The following ZFHX3 variants were observed in gnomAD, a reference collection of about 807,000 sequenced individuals.
ZFHX3 encodes the protein zinc finger homeobox 3, also known as zinc finger homeobox protein 3.
Under a neutral mutation model 279.1 loss-of-function variants are expected in ZFHX3, and 42 were observed. The observed-to-expected ratio is 0.15, with a 90% CI of 0.12 to 0.19. The LOEUF (loss-of-function observed/expected upper bound fraction) is 0.19, where lower values mean the gene tolerates loss of function less well. Among genes scored for constraint, ZFHX3 ranks in the 10% least tolerant of loss-of-function variants. ZFHX3 has a pLI of 1.00. For missense variants in ZFHX3, 4,981 were observed against 4,754.0 expected, an observed-to-expected ratio of 1.05 and a Z score of -1.40; for synonymous variants, 2,293 against 1,957.8, an observed-to-expected ratio of 1.17 and a Z score of -4.52.
At chr16:73,074,259 T>A (rs1965858969) in intron 8 of ZFHX3, among the ~76,000 whole-genome samples, 1 of 152,192 alleles carries the variant, frequency 6.6e-6, no homozygotes, top group South Asian at 2.1e-4. Flanking sequence ...ACGCGGACCC[T>A]GTCCCAGGCG....
intron 4 of ZFHX3, among the ~76,000 whole-genome samples, chr16:72,851,560 CT>C (rs765929247): frequency 1.4e-3 from 207 of 146,280 alleles, no homozygotes; most frequent in African/African-American, 2.6e-3. Flanking sequence ...TCCAATTTCA[CT>C]TTTTTTTTTT....
rs765294332 is a variant in ZFHX3, at chr16:72,950,951, G to A, written c.2734C>T (p.Pro912Ser). 1.9e-5 allele frequency: 30 copies of A among 1,612,598 alleles called. No individual in the cohort carries two copies. Among genetic ancestry groups the A allele is most frequent in the Admixed American group, 5.0e-5 (3 of 59,976 alleles). The change falls in exon 3 of 10, where the codon CCC becomes TCC. Residue 912 changes from proline (P) to serine (S), a missense_variant. Pro to Ser is a moderately conservative substitution (Grantham distance 74). Transcript: ENST00000268489. ...CCGCCCCCGAGCCGCATGTCTAGGGGGATCTCACCGCCCACTGCAGGGAAG... is the reference window on the plus strand; with the variant it reads ...CCGCCCCCGAGCCGCATGTCTAGGGAGATCTCACCGCCCACTGCAGGGAAG... The part of the protein sequence containing the change: ...MTPALVGGEI[P>S]LDMRLGGGQL...
At chr16:73,416,068 C>T (rs1306460412) in intron 3 of ZFHX3, among the ~76,000 whole-genome samples, 9 of 144,766 alleles carry the variant, frequency 6.2e-5, no homozygotes, top group South Asian at 2.2e-4. Flanking sequence ...TGTGCTGAGC[C>T]GAGAGATAAT....
At chr16:73,363,570 G>A (rs949706957) in intron 3 of ZFHX3, among the ~76,000 whole-genome samples, 1 of 151,486 alleles carries the variant, frequency 6.6e-6, no homozygotes. Context: ...TCCCAAATGA[G>A]GCAGGGAATA....
intron 3 of ZFHX3, among the ~76,000 whole-genome samples, chr16:73,428,282 A>G (rs779046444): frequency 6.6e-6 from 1 of 152,128 alleles, no homozygotes; most frequent in African/African-American, 2.4e-5. Flanking sequence ...CTCTCCCACC[A>G]TATTAATTAC....
chr16:72,825,212 G>T (rs1299561310), intron 5 of ZFHX3, among the ~76,000 whole-genome samples: 1 of 152,166 alleles, frequency 6.6e-6, no homozygotes, highest in Non-Finnish European at 1.5e-5. Flanking sequence ...TCACCATCCC[G>T]CTTTCAGACT....
At chr16:72,926,787 T>C (rs114892858) in intron 3 of ZFHX3, among the ~76,000 whole-genome samples, 1 of 152,288 alleles carries the variant, frequency 6.6e-6, no homozygotes, top group African/African-American at 2.4e-5. Flanking sequence ...CAGAGACCAA[T>C]GTTTCTACTC....
intron 4 of ZFHX3, among the ~76,000 whole-genome samples, chr16:72,834,302 T>C (rs1286869166): frequency 2.0e-5 from 3 of 152,106 alleles, no homozygotes; most frequent in African/African-American, 7.2e-5. Flanking sequence ...TACAACTGCT[T>C]CTCCCAGATA....
intron 3 of ZFHX3, among the ~76,000 whole-genome samples, chr16:72,932,362 G>A (rs956519702): frequency 6.6e-6 from 1 of 152,116 alleles, no homozygotes; most frequent in African/African-American, 2.4e-5. Flanking sequence ...GCAAGCCATA[G>A]CCACAATGCA....
At chr16:72,949,332 A>G (rs1960859861) in intron 3 of ZFHX3, among the ~76,000 whole-genome samples, 1 of 152,154 alleles carries the variant, frequency 6.6e-6, no homozygotes. Context: ...AGAGGCTGAT[A>G]ATGGGAGTGA....
intron 5 of ZFHX3, among the ~76,000 whole-genome samples, chr16:73,160,541 T>C (rs1177182931): frequency 1.3e-5 from 2 of 152,140 alleles, no homozygotes; most frequent in Non-Finnish European, 1.5e-5. Flanking sequence ...ACAGTCACGT[T>C]TTCTAAACTC....
At chr16:73,438,267 G>C (rs1021226656) in intron 3 of ZFHX3, among the ~76,000 whole-genome samples, 2 of 152,192 alleles carry the variant, frequency 1.3e-5, no homozygotes, top group African/African-American at 2.4e-5. Flanking sequence ...TTATCACAAA[G>C]TCAGATTAAC....
intron 4 of ZFHX3, among the ~76,000 whole-genome samples, chr16:72,864,017 T>C (rs998184006): frequency 6.6e-6 from 1 of 151,942 alleles, no homozygotes; most frequent in Non-Finnish European, 1.5e-5. Flanking sequence ...CTTGGGAGGC[T>C]GAGGCAGGAG....
intron 7 of ZFHX3, among the ~76,000 whole-genome samples, chr16:73,106,265 A>G (rs1050901852): frequency 6.6e-6 from 1 of 152,014 alleles, no homozygotes; most frequent in African/African-American, 2.4e-5. Flanking sequence ...TGAATTGTAA[A>G]ATAAGAATCT....
At chr16:73,684,488 G>C (rs1057483549) in intron 1 of ZFHX3, among the ~76,000 whole-genome samples, 3 of 152,048 alleles carry the variant, frequency 2.0e-5, no homozygotes, top group Admixed American at 2.0e-4. Flanking sequence ...AAATCAAAAA[G>C]AGGAATGTGC....
At chr16:72,879,678 G>A (rs561000398) in intron 4 of ZFHX3, among the ~76,000 whole-genome samples, 46 of 152,238 alleles carry the variant, frequency 3.0e-4, no homozygotes, top group African/African-American at 9.1e-4. Flanking sequence ...CGCCCGCCTC[G>A]GCCTCCCAAA....
At chr16:73,712,864 C>T (rs988789008) in intron 1 of ZFHX3, among the ~76,000 whole-genome samples, 4 of 152,230 alleles carry the variant, frequency 2.6e-5, no homozygotes, top group African/African-American at 9.6e-5. Flanking sequence ...TAGGCAATAA[C>T]TTTGCCTCAT....
intron 5 of ZFHX3, among the ~76,000 whole-genome samples, chr16:73,161,663 C>A (rs964277595): frequency 3.9e-5 from 6 of 152,174 alleles, no homozygotes; most frequent in African/African-American, 1.4e-4. Flanking sequence ...CACCTCTCGG[C>A]CCCTTCTAAG....
At chr16:73,867,843 G>C (rs1962067719) in intron 1 of ZFHX3, among the ~76,000 whole-genome samples, 1 of 152,172 alleles carries the variant, frequency 6.6e-6, no homozygotes, top group Non-Finnish European at 1.5e-5. Flanking sequence ...ACTTCCCAGA[G>C]GTGGGCCTGT....
Sources: gnomAD v4.1 joint callset for allele counts (sites outside exome capture counted in the v4.1 genomes callset) on GRCh38, gnomAD v4.1.1 for gene constraint, MANE v1.5 for transcripts, NCBI Gene and HGNC (gene_info 2026-07-23, HGNC 2026-07-21) for gene names.